PLCD1: variants seen among roughly 807,000 people sequenced by gnomAD.
PLCD1 encodes phospholipase C delta 1.
Under a neutral mutation model 87.4 loss-of-function variants are expected in PLCD1, and 71 were observed. That is an observed-to-expected ratio of 0.81 (90% confidence interval 0.67 to 0.99). The LOEUF is 0.99. PLCD1 is among the 50% of genes least tolerant of loss of function. PLCD1 has a pLI of 0.00. For synonymous variants in PLCD1, 348 were observed against 399.2 expected, an observed-to-expected ratio of 0.87 and a Z score of 1.53; for missense variants, 867 against 1,001.5, an observed-to-expected ratio of 0.87 and a Z score of 1.81.
At position 38,010,444 on chromosome 3, in the gene PLCD1, G is replaced by A; in HGVS notation, c.909C>T (p.Ser303=). 6.2e-7 allele frequency: 1 copy of A among 1,614,230 alleles called. No individual in the cohort carries two copies. The highest frequency in any genetic ancestry group is 8.5e-7 in the Non-Finnish European group (1 of 1,180,026). The change falls in exon 6 of 15, where the codon AGC becomes AGT. Residue 303 remains serine, a synonymous_variant. Coordinates refer to ENST00000334661, the MANE Select transcript of PLCD1 (RefSeq NM_006225.4). ...RVYQDMGQPL[S]HYLVSSSHNT... ...TGTGTGAAGAGGACACCAGGTAGTG[G>A]CTAAGTGGCTGGCCCATGTCCTGGT...
rs974646660 is a variant in PLCD1, at chr3:38,029,553, C to T, written c.-14G>A. On this transcript the variant is annotated 5_prime_UTR_variant, in exon 1 of 15. Transcript: ENST00000334661. ...GCCCGAGTCCATGCCCGACGGGCGG[C>T]GCGGCGGGAGGGGCACCGCGGGACT... is the stretch of plus-strand genomic sequence containing the variant. The T allele has an allele frequency of 1.6e-5, 25 of 1,536,652 alleles. No individual in the cohort carries two copies. Among genetic ancestry groups the T allele is most frequent in the Non-Finnish European group, 2.2e-5 (25 of 1,146,062 alleles).
intron 1 of PLCD1, among the ~76,000 whole-genome samples, chr3:38,028,146 G>A (rs906709378): frequency 6.6e-6 from 1 of 152,210 alleles, no homozygotes; most frequent in Non-Finnish European, 1.5e-5. Flanking sequence ...AAGGAATGAC[G>A]CTGTGTCAGA....
Position 38,009,748 on chromosome 3 carries a change from C to T in PLCD1, c.1351G>A (p.Glu451Lys). The T allele has an allele frequency of 6.2e-7, 1 of 1,614,034 alleles. No homozygotes were observed. Among genetic ancestry groups the T allele is most frequent in the Non-Finnish European group, 8.5e-7 (1 of 1,179,934 alleles). Residue 451 changes from glutamate (E) to lysine (K), a missense_variant, in exon 9 of 15, where the codon GAG becomes AAG. Physicochemically the swap from Glu to Lys is moderately conservative, Grantham distance 56. Coordinates refer to ENST00000334661, the MANE Select transcript of PLCD1 (RefSeq NM_006225.4). ...ACCACAGTGGCCTCAGGGCCACCCTCCCCTCCAGGGGGCAGGAGCCCCCCG... is the reference window on the plus strand; with the variant it reads ...ACCACAGTGGCCTCAGGGCCACCCTTCCCTCCAGGGGGCAGGAGCCCCCCG... ...KLGGLLPPGG[E>K]GGPEATVVSD...
At chr3:38,024,911 T>G in intron 1 of PLCD1, 1 of 275,084 alleles carries the variant, frequency 3.6e-6, no homozygotes, top group Non-Finnish European at 6.9e-6. Flanking sequence ...TGGGGGTGGA[T>G]CCAGAACCCA....
rs546272647 is a variant in PLCD1 at position 38,016,671 on chromosome 3, C to T, written c.248G>A (p.Gly83Asp). ...CACATCACGGGCGAACTTCTCCAGA[C>T]CCTCCGTGCGGTGCCCCATTCGCAC... Reference protein sequence around the residue: ...QEVRMGHRTEGLEKFARDVPE... With the variant: ...QEVRMGHRTEDLEKFARDVPE... The change falls in exon 3 of 15, where the codon GGT becomes GAT. Residue 83 changes from glycine to aspartate, a missense_variant. Transcript: ENST00000334661. The T allele has an allele frequency of 3.2e-6, 5 of 1,585,270 alleles. No individual in the cohort carries two copies. The highest frequency in any genetic ancestry group is 1.8e-5 in the Admixed American group (1 of 54,806).
At chr3:38,007,912 G>A in intron 14 of PLCD1, 54 bp from the exon 15 acceptor site, 4 of 1,605,872 alleles carry the variant, frequency 2.5e-6, no homozygotes, top group Non-Finnish European at 3.4e-6. Flanking sequence ...TCATTCGGCG[G>A]CGGAGGGGGG....
At chr3:38,010,694 G>C in intron 5 of PLCD1, 132 bp from the exon 6 acceptor site, 1 of 710,264 alleles carries the variant, frequency 1.4e-6, no homozygotes, top group Non-Finnish European at 2.4e-6. Flanking sequence ...CAGAGCTCTT[G>C]GAATTAGGAT....
chr3:38,023,384 A>G (rs1349154575), intron 1 of PLCD1, among the ~76,000 whole-genome samples: 3 of 152,222 alleles, frequency 2.0e-5, no homozygotes, highest in African/African-American at 7.2e-5. Flanking sequence ...ATAGTGCCAG[A>G]GCATCATGAT....
chr3:38,011,597 G>A lies in PLCD1; in HGVS notation c.505C>T (p.Leu169=), dbSNP rs1177462854. ...TCCACCTGGATGTTGAGCTCCTTCA[G>A]GAAGTTCTGCAGCTCCTTGAAGCTC... ...KMSFKELQNF[L]KELNIQVDDS... is the part of the protein sequence containing the mutation. The change falls in exon 4 of 15, where the codon CTG becomes TTG. Residue 169 remains leucine (L), a synonymous_variant. Coordinates refer to ENST00000334661, the MANE Select transcript of PLCD1 (RefSeq NM_006225.4). The A allele has an allele frequency of 5.6e-6, 9 of 1,614,088 alleles. No homozygotes were observed. The Admixed American group carries it at 6.7e-5, about 12-fold the overall frequency.
intron 3 of PLCD1, 27 bp from the exon 4 acceptor site, chr3:38,011,700 A>T (rs2125545035): frequency 1.2e-6 from 2 of 1,613,750 alleles, no homozygotes; most frequent in East Asian, 4.5e-5. Flanking sequence ...GAAAGAACCC[A>T]GGAACCCTGG....
At chr3:38,015,155 C>T (rs1382889260) in intron 3 of PLCD1, among the ~76,000 whole-genome samples, 1 of 152,218 alleles carries the variant, frequency 6.6e-6, no homozygotes, top group Admixed American at 6.5e-5. Flanking sequence ...TTAATATCAG[C>T]ATTCTTCATA....
Position 38,016,651 on chromosome 3 carries a change from C to T in PLCD1, c.268G>A (p.Asp90Asn). ...RTEGLEKFAR[D>N]VPEDRCFSIV... The stretch of plus-strand genomic sequence containing the variant: ...GAGAAGCAGCGGTCCTCGGGCACAT[C>T]ACGGGCGAACTTCTCCAGACCCTCC... Residue 90 changes from aspartate (D) to asparagine (N), a missense_variant, in exon 3 of 15, where the codon GAT becomes AAT. By Grantham distance (23) the Asp-to-Asn change is conservative. Transcript: ENST00000334661. 1 of 1,601,422 alleles carries T rather than the reference C, an allele frequency of 6.2e-7. No homozygotes were observed. Among genetic ancestry groups the T allele is most frequent in the East Asian group, 2.3e-5 (1 of 44,416 alleles).
chr3:38,017,539 AG>A lies in PLCD1; in HGVS notation c.200-821del, dbSNP rs149668173. ...CCTCACACCCAGCCTTCCAAGCTTC[AG>A]GGAGATGCCAGGCCCTGTCTACCCC... On this transcript the variant is annotated intron_variant, in intron 2 of 14. Transcript: ENST00000334661. The surrounding 1 kb of genome is among the most constrained non-coding windows in gnomAD (Gnocchi z 4.7). Among the ~76,000 whole-genome samples, 7 of 152,198 alleles carry A rather than the reference AG, an allele frequency of 4.6e-5. No individual in the cohort carries two copies. The highest frequency in any genetic ancestry group is 8.8e-5 in the Non-Finnish European group (6 of 67,964).
chr3:38,020,386 C>T (rs768132228), intron 1 of PLCD1, 34 bp from the exon 2 acceptor site: 8 of 1,607,882 alleles, frequency 5.0e-6, no homozygotes, highest in East Asian at 2.2e-5. Context: ...GCCACCTTCT[C>T]CACTAGTTTC....
chr3:38,024,360 G>T (rs1361855873), intron 1 of PLCD1: 2 of 1,612,774 alleles, frequency 1.2e-6, no homozygotes, highest in Admixed American at 3.3e-5. Flanking sequence ...ATTGAGCGCC[G>T]CCACCTTAAG....
intron 3 of PLCD1, among the ~76,000 whole-genome samples, chr3:38,014,116 G>A (rs1401421175): frequency 6.6e-6 from 1 of 152,138 alleles, no homozygotes; most frequent in East Asian, 1.9e-4. Context: ...TGGATCAGAA[G>A]ACTTGACATT....
At chr3:38,028,742 C>T (rs1402400495) in intron 1 of PLCD1, among the ~76,000 whole-genome samples, 1 of 152,210 alleles carries the variant, frequency 6.6e-6, no homozygotes, top group Non-Finnish European at 1.5e-5. Context: ...CCCAACCTCC[C>T]GCCTCCCAGA....
rs780619207 is a variant in PLCD1, at chr3:38,007,693, A to C, written c.*80T>G. On this transcript the variant is annotated 3_prime_UTR_variant, in exon 15 of 15. Transcript: ENST00000334661. Reference sequence around the variant, plus strand: ...GCCTAGCTCTGAGCAAGAGGCTGGGAGCAGCCACACCAGCCCTGTCCCCAC... The same window carrying C: ...GCCTAGCTCTGAGCAAGAGGCTGGGCGCAGCCACACCAGCCCTGTCCCCAC... 1 of 1,073,830 alleles carries C rather than the reference A, an allele frequency of 9.3e-7. No individual in the cohort carries two copies. Among genetic ancestry groups the C allele is most frequent in the South Asian group, 1.3e-5 (1 of 78,220 alleles). The allele number at this position is 1,073,830 out of a possible 1,614,324, so 66.5% of individuals were successfully genotyped here.
At chr3:38,019,828 C>T (rs1700207203) in intron 2 of PLCD1, among the ~76,000 whole-genome samples, 1 of 152,192 alleles carries the variant, frequency 6.6e-6, no homozygotes, top group Non-Finnish European at 1.5e-5. Context: ...GGACCTTGGG[C>T]CACCGTCCAA....
Sources: allele counts gnomAD v4.1 joint callset (sites outside exome capture counted in the v4.1 genomes callset), GRCh38; gene constraint gnomAD v4.1.1; non-coding constraint Gnocchi (gnomAD v3.1); transcripts MANE v1.5; gene names NCBI Gene and HGNC (gene_info 2026-07-23, HGNC 2026-07-21).